Variants in DNMT3A observed in about 807,000 individuals in gnomAD.
DNMT3A encodes the protein DNA methyltransferase 3 alpha, also known as DNA (cytosine-5)-methyltransferase 3A.
A neutral mutation model predicts 117.6 loss-of-function variants in DNMT3A; 267 were observed. That is an observed-to-expected ratio of 2.27 (90% CI 2.05 to 2.51). DNMT3A has a LOEUF of 2.51. Among genes scored for constraint, DNMT3A ranks in the 30% most tolerant of loss-of-function variants. The pLI is 0.00. For synonymous variants in DNMT3A, 432 were observed against 474.8 expected (o/e 0.91, Z 1.17); for missense variants, 1,029 against 1,260.2 (o/e 0.82, Z 2.78).
chr2:25,288,856 G>C (rs2032522247), intron 3 of DNMT3A, among the ~76,000 whole-genome samples: 1 of 152,092 alleles, frequency 6.6e-6, no homozygotes, highest in Non-Finnish European at 1.5e-5. Flanking sequence ...TTAAAGGAAT[G>C]CTCCTTTAAA....
Position 25,298,278 on chromosome 2 carries a change from C to T in DNMT3A, c.177+1861G>A, listed in dbSNP as rs568146182. Among the ~76,000 whole-genome samples the T allele has an allele frequency of 3.9e-5, 6 of 152,254 alleles. No individual in the cohort carries two copies. Among genetic ancestry groups the T allele is most frequent in the African/African-American group, 4.8e-5 (2 of 41,530 alleles). Reference sequence around the variant, plus strand: ...TTCAGGCCAGGGGATGTAGGACTGCCGGCCCCTCTCCCCTCACTCGGCTGT... The same window carrying T: ...TTCAGGCCAGGGGATGTAGGACTGCTGGCCCCTCTCCCCTCACTCGGCTGT... On this transcript the variant is annotated intron_variant, in intron 3 of 22. Coordinates refer to ENST00000321117, the MANE Select transcript of DNMT3A (RefSeq NM_022552.5). The surrounding 1 kb of genome is among the most constrained non-coding windows in gnomAD (Gnocchi z 4.3).
In DNMT3A at chr2:25,290,157, T is replaced by A. The variant is rs186602204; in HGVS notation, c.178-7446A>T. On this transcript the variant is annotated intron_variant, in intron 3 of 22. Transcript: ENST00000321117. ...TTTTTATGGAAGTAATTAAAAAAAA[T>A]TTTTTTTTTGAGACAAGGTCTCACT... Among the ~76,000 whole-genome samples, 143 of 150,664 alleles carry A rather than the reference T, an allele frequency of 9.5e-4. 1 individual carries two copies. Among genetic ancestry groups the A allele is most frequent in the South Asian group, 2.1e-3 (10 of 4,756 alleles).
At chr2:25,264,876 G>GC (rs2030147540) in intron 6 of DNMT3A, among the ~76,000 whole-genome samples, 1 of 152,118 alleles carries the variant, frequency 6.6e-6, no homozygotes, top group African/African-American at 2.4e-5. Context: ...GGTAATCTAG[G>GC]TAATAAAGAG....
rs780522765 is a variant in DNMT3A, at chr2:25,234,905, G to A, written c.2598-485C>T. Among the ~76,000 whole-genome samples, 5 of 152,170 alleles carry A rather than the reference G, an allele frequency of 3.3e-5. No homozygotes were observed. The highest frequency in any genetic ancestry group is 7.3e-5 in the Non-Finnish European group (5 of 68,038). On this transcript the variant is annotated intron_variant, in intron 22 of 22. Transcript: ENST00000321117. The surrounding 1 kb of genome is among the most constrained non-coding windows in gnomAD (Gnocchi z 4.5). ...CTCCTGCCTGACTTCAGAAGCTGAA[G>A]GATTTCCTGTTTGCTCTGGTTGTTT... is the stretch of plus-strand genomic sequence containing the variant.
At chr2:25,326,106 ATATGTGTGTGTG>A (rs999956332) in intron 1 of DNMT3A, among the ~76,000 whole-genome samples, 7 of 103,276 alleles carry the variant, frequency 6.8e-5, no homozygotes, top group Non-Finnish European at 9.5e-5. Context: ...AACTTGATAT[ATATGTGTGTGTG>A]TGTGTGTGTG....
chr2:25,331,272 T>C (rs2035004235), intron 1 of DNMT3A, among the ~76,000 whole-genome samples: 1 of 152,220 alleles, frequency 6.6e-6, no homozygotes, highest in Non-Finnish European at 1.5e-5. Context: ...TCTATCTAAA[T>C]TCAATGATGC....
chr2:25,296,588 G>T lies in DNMT3A; in HGVS notation c.177+3551C>A, dbSNP rs1336658140. Among the ~76,000 whole-genome samples the T allele has an allele frequency of 1.3e-5, 2 of 152,356 alleles. No individual in the cohort carries two copies. Among genetic ancestry groups the T allele is most frequent in the African/African-American group, 4.8e-5 (2 of 41,578 alleles). ...CTCTCCAGCACACTTGACTGAAATA[G>T]AAGGCATCTTCCTCTGGTGGCTTCC... On this transcript the variant is annotated intron_variant, in intron 3 of 22. Transcript: ENST00000321117. The surrounding 1 kb of genome is among the most constrained non-coding windows in gnomAD (Gnocchi z 4.2).
In DNMT3A at chr2:25,306,410, C is replaced by A. The variant is rs1263235280; in HGVS notation, c.73-6167G>T. On this transcript the variant is annotated intron_variant, in intron 2 of 22. Transcript: ENST00000321117. This position sits in a 1 kb window ranked among gnomAD's most constrained non-coding sequence, Gnocchi z 4.1. Reference sequence around the variant, plus strand: ...ACAAGTAACCATTGACTGCTTAGGTCGTGTCATAATTACCGAGGAAAGCCT... The same window carrying A: ...ACAAGTAACCATTGACTGCTTAGGTAGTGTCATAATTACCGAGGAAAGCCT... 6.6e-6 allele frequency among the ~76,000 whole-genome samples: 1 copy of A among 152,186 alleles called. No homozygotes were observed. Among genetic ancestry groups the A allele is most frequent in the Non-Finnish European group, 1.5e-5 (1 of 68,032 alleles).
At position 25,282,461 on chromosome 2, in the gene DNMT3A, C is replaced by T. The variant is rs745432645; in HGVS notation, c.428G>A (p.Arg143Gln). The change falls in exon 4 of 23, where the codon CGA (arginine) becomes CAA (glutamine). Residue 143 changes from arginine to glutamine, a missense_variant. Coordinates refer to ENST00000321117, the MANE Select transcript of DNMT3A (RefSeq NM_022552.5). The surrounding 1 kb of genome is among the most constrained non-coding windows in gnomAD (Gnocchi z 5.2). ...CTCACCCGCTTCTGCAGGGGCTCCTCGGCCCTCCTTGGGGGTGCAGCAGCC... is the reference window on the plus strand; with the variant it reads ...CTCACCCGCTTCTGCAGGGGCTCCTTGGCCCTCCTTGGGGGTGCAGCAGCC... Reference protein sequence around the residue: ...ENGCCTPKEGRGAPAEAGKEQ... With the variant: ...ENGCCTPKEGQGAPAEAGKEQ... 2.7e-5 allele frequency: 43 copies of T among 1,612,752 alleles called. No homozygotes were observed. Among genetic ancestry groups the T allele is most frequent in the Non-Finnish European group, 3.4e-5 (40 of 1,179,818 alleles).
intron 16 of DNMT3A, 182 bp from the exon 17 acceptor site, chr2:25,241,889 C>A: frequency 2.7e-6 from 2 of 744,390 alleles, no homozygotes; most frequent in Non-Finnish European, 4.2e-6. Context: ...GTAAGGACAT[C>A]GAGGCTCTGT....
Position 25,282,435 on chromosome 2 carries a change from A to T in DNMT3A, c.448+6T>A. On this transcript the variant is annotated splice_donor_region_variant and intron_variant, in intron 4 of 22. Coordinates refer to ENST00000321117, the MANE Select transcript of DNMT3A (RefSeq NM_022552.5). The surrounding 1 kb of genome is among the most constrained non-coding windows in gnomAD (Gnocchi z 5.2). ...GAAGAGGCTGCCCCTGGTGCTGAGG[A>T]CTCACCCGCTTCTGCAGGGGCTCCT... 1 of 1,611,366 alleles carries T rather than the reference A, an allele frequency of 6.2e-7. No individual in the cohort carries two copies.
intron 1 of DNMT3A, among the ~76,000 whole-genome samples, chr2:25,325,970 C>T (rs1283473108): frequency 6.6e-6 from 1 of 152,176 alleles, no homozygotes; most frequent in Non-Finnish European, 1.5e-5. Context: ...TGCTAAGGCT[C>T]TGGCTGAGTG....
At chr2:25,258,207 A>G (rs1676324719) in intron 6 of DNMT3A, among the ~76,000 whole-genome samples, 1 of 152,238 alleles carries the variant, frequency 6.6e-6, no homozygotes, top group Non-Finnish European at 1.5e-5. Context: ...ATCCTCCTGA[A>G]GAAAAGCAAA....
At chr2:25,340,118 C>T (rs906252447) in intron 1 of DNMT3A, among the ~76,000 whole-genome samples, 3 of 152,208 alleles carry the variant, frequency 2.0e-5, no homozygotes, top group African/African-American at 4.8e-5. Context: ...AGCTGCGCGG[C>T]CCTGGGGCTC....
In DNMT3A at chr2:25,286,856, T is replaced by C. The variant is rs1239244007; in HGVS notation, c.178-4145A>G. 6.6e-6 allele frequency among the ~76,000 whole-genome samples: 1 copy of C among 152,142 alleles called. No individual in the cohort carries two copies. The highest frequency in any genetic ancestry group is 1.5e-5 in the Non-Finnish European group (1 of 68,008). ...CTGGCCTCTTCTGCCCCCAACTCCA[T>C]GTCCTCCTCCCAGCCACTCTCCTCC... On this transcript the variant is annotated intron_variant, in intron 3 of 22. Coordinates refer to ENST00000321117, the MANE Select transcript of DNMT3A (RefSeq NM_022552.5). The surrounding 1 kb of genome is among the most constrained non-coding windows in gnomAD (Gnocchi z 4.3).
rs1673046297 is a variant in DNMT3A, at chr2:25,234,062, G to GA, written c.*216dup. ...GGTTTTGTTTTTAAATAGGACTGAA[G>GA]AATAACATTGAAAAATCAGGAGATG... On this transcript the variant is annotated 3_prime_UTR_variant, in exon 23 of 23. Coordinates refer to ENST00000321117, the MANE Select transcript of DNMT3A (RefSeq NM_022552.5). This position sits in a 1 kb window ranked among gnomAD's most constrained non-coding sequence, Gnocchi z 4.5. 8 of 607,338 alleles carry GA rather than the reference G, an allele frequency of 1.3e-5. No individual in the cohort carries two copies. Among genetic ancestry groups the GA allele is most frequent in the Non-Finnish European group, 2.0e-5 (8 of 394,220 alleles). The allele number at this position is 607,338 out of a possible 1,614,324, so 37.6% of individuals were successfully genotyped here.
chr2:25,341,786 C>CG (rs1422144183), intron 1 of DNMT3A, 40 bp downstream of exon 1: 1 of 978,942 alleles, frequency 1.0e-6, no homozygotes, highest in Non-Finnish European at 1.2e-6. Flanking sequence ...CCGCCGCCTC[C>CG]GGGCCGGCCT....
intron 4 of DNMT3A, among the ~76,000 whole-genome samples, chr2:25,276,489 A>G (rs1454813104): frequency 6.6e-6 from 1 of 152,220 alleles, no homozygotes; most frequent in African/African-American, 2.4e-5. Flanking sequence ...CTGGCAGGGA[A>G]GTCTCAATTT....
chr2:25,325,474 C>G (rs184496722), intron 1 of DNMT3A, among the ~76,000 whole-genome samples: 83 of 152,334 alleles, frequency 5.4e-4, no homozygotes, highest in African/African-American at 1.9e-3. Flanking sequence ...CCAACCTTCT[C>G]TACAGCATGG....
Sources: allele counts gnomAD v4.1 joint callset (sites outside exome capture counted in the v4.1 genomes callset), GRCh38; gene constraint gnomAD v4.1.1; non-coding constraint Gnocchi (gnomAD v3.1); transcripts MANE v1.5; gene names NCBI Gene and HGNC (gene_info 2026-07-23, HGNC 2026-07-21).